The following FAM53B variants were observed in gnomAD, a reference collection of about 807,000 sequenced individuals.
FAM53B encodes family with sequence similarity 53 member B, also known as protein FAM53B.
In FAM53B, 12 loss-of-function variants were observed where a neutral mutation model predicts 32.7. The observed-to-expected ratio is 0.37, with a 90% CI of 0.24 to 0.59. FAM53B has a LOEUF of 0.59. Ranked by LOEUF, FAM53B falls within the 20% of genes least tolerant of loss-of-function variation. The pLI is 0.72. For missense variants in FAM53B, 477 were observed against 577.7 expected (o/e 0.83, Z 1.79); for synonymous variants, 234 against 228.7 (o/e 1.02, Z -0.21).
intron 3 of FAM53B, among the ~76,000 whole-genome samples, chr10:124,695,263 C>G (rs769588164): frequency 6.6e-6 from 1 of 152,184 alleles, no homozygotes; most frequent in Non-Finnish European, 1.5e-5. Flanking sequence ...TCCGGCAAGA[C>G]GTCCCCAAAG....
At chr10:124,735,618 G>A (rs1203306808) in intron 1 of FAM53B, among the ~76,000 whole-genome samples, 2 of 152,244 alleles carry the variant, frequency 1.3e-5, no homozygotes, top group African/African-American at 4.8e-5. Flanking sequence ...ATCACTGACT[G>A]ACCTCCTCAG....
intron 4 of FAM53B, among the ~76,000 whole-genome samples, chr10:124,678,766 T>A (rs1335892823): frequency 6.6e-6 from 1 of 152,178 alleles, no homozygotes; most frequent in East Asian, 1.9e-4. Flanking sequence ...CTTCCTGCCC[T>A]CTTACTCTCT....
chr10:124,727,763 G>A (rs1247393797), intron 1 of FAM53B, among the ~76,000 whole-genome samples: 1 of 152,094 alleles, frequency 6.6e-6, no homozygotes, highest in Non-Finnish European at 1.5e-5. Flanking sequence ...ATGATGTGCA[G>A]AGAACATGCC....
At chr10:124,721,488 GC>G (rs751756595) in intron 1 of FAM53B, among the ~76,000 whole-genome samples, 2 of 152,246 alleles carry the variant, frequency 1.3e-5, no homozygotes, top group East Asian at 3.8e-4. Flanking sequence ...GCAGGGTATG[GC>G]CTGAAGGTCA....
intron 4 of FAM53B, among the ~76,000 whole-genome samples, chr10:124,634,235 G>C (rs1949411500): frequency 6.6e-6 from 1 of 152,244 alleles, no homozygotes; most frequent in Non-Finnish European, 1.5e-5. Context: ...AAAGAAAGGA[G>C]ATACTGATAC....
Position 124,681,983 on chromosome 10 carries a change from A to C in FAM53B, c.530T>G (p.Leu177Arg). ...TCCTGCCTGGTCGCAGGGTGAGGAG[A>C]GCACGTTGGCCCGGGAAGGGAGGCT... is the stretch of plus-strand genomic sequence containing the variant. ...SFSLPSRANVLSSPCDQAGLH... is the reference protein window; with the variant it reads ...SFSLPSRANVRSSPCDQAGLH... Residue 177 changes from leucine to arginine, a missense_variant, in exon 4 of 5, where the codon CTC (leucine) becomes CGC (arginine). Transcript: ENST00000337318. 1 of 1,614,018 alleles carries C rather than the reference A, an allele frequency of 6.2e-7. No individual in the cohort carries two copies. Among genetic ancestry groups the C allele is most frequent in the Middle Eastern group, 1.6e-4 (1 of 6,062 alleles).
chr10:124,741,033 C>CGA (rs1950196550), intron 1 of FAM53B, among the ~76,000 whole-genome samples: 1 of 152,232 alleles, frequency 6.6e-6, no homozygotes, highest in African/African-American at 2.4e-5. Flanking sequence ...TCGGGATTCT[C>CGA]CCCTAAAGTT....
At chr10:124,704,526 G>T (rs957268971) in intron 2 of FAM53B, among the ~76,000 whole-genome samples, 2 of 152,236 alleles carry the variant, frequency 1.3e-5, no homozygotes, top group Admixed American at 1.3e-4. Flanking sequence ...GAGAAGGAAG[G>T]AGGGAGGGAG....
intron 4 of FAM53B, among the ~76,000 whole-genome samples, chr10:124,672,209 G>T (rs1949711076): frequency 6.6e-6 from 1 of 152,264 alleles, no homozygotes; most frequent in African/African-American, 2.4e-5. Flanking sequence ...GCCCGGTCAG[G>T]CACCAGCCGT....
intron 1 of FAM53B, among the ~76,000 whole-genome samples, chr10:124,718,884 T>A (rs1244502551): frequency 2.0e-5 from 3 of 152,070 alleles, no homozygotes; most frequent in African/African-American, 7.2e-5. Context: ...CCCATCTCTA[T>A]AAAAAATTTA....
intron 1 of FAM53B, among the ~76,000 whole-genome samples, chr10:124,730,416 A>T (rs1950135298): frequency 1.3e-5 from 2 of 152,240 alleles, no homozygotes; most frequent in Middle Eastern, 3.2e-3. Context: ...ATTTAGGGAC[A>T]GCCTCTTCAC....
intron 2 of FAM53B, among the ~76,000 whole-genome samples, chr10:124,696,717 G>A (rs537149563): frequency 7.9e-5 from 12 of 152,236 alleles, no homozygotes; most frequent in East Asian, 3.9e-4. Flanking sequence ...GGGAGAGCTC[G>A]GAAGGGCTGG....
intron 1 of FAM53B, among the ~76,000 whole-genome samples, chr10:124,734,872 C>T (rs1442273887): frequency 6.6e-6 from 1 of 152,224 alleles, no homozygotes; most frequent in Non-Finnish European, 1.5e-5. Context: ...AGTCAGAGGC[C>T]TGCACCAACA....
At chr10:124,718,664 T>G (rs1206915636) in intron 1 of FAM53B, among the ~76,000 whole-genome samples, 1 of 152,250 alleles carries the variant, frequency 6.6e-6, no homozygotes, top group Non-Finnish European at 1.5e-5. Flanking sequence ...GGGGAGCCGC[T>G]GCATGTGTAA....
chr10:124,681,586 C>A, intron 4 of FAM53B, 21 bp downstream of exon 4: 1 of 1,553,860 alleles, frequency 6.4e-7, no homozygotes, highest in South Asian at 1.2e-5. Context: ...CAAGGTGACT[C>A]CAGGCTGCTG....
intron 4 of FAM53B, among the ~76,000 whole-genome samples, chr10:124,636,164 A>G (rs1331053301): frequency 6.6e-6 from 1 of 152,234 alleles, no homozygotes; most frequent in Non-Finnish European, 1.5e-5. Context: ...AATCCTATTC[A>G]CATGATCGCT....
intron 2 of FAM53B, among the ~76,000 whole-genome samples, chr10:124,704,853 G>A (rs1316769729): frequency 6.6e-6 from 1 of 152,214 alleles, no homozygotes; most frequent in African/African-American, 2.4e-5. Flanking sequence ...CAGGGGACCA[G>A]TTACCACAAG....
chr10:124,651,725 AG>A lies in FAM53B; in HGVS notation c.907-28122del, dbSNP rs1405095660. ...TGCTCTGGAGGGTCAAGGTCAGCAG[AG>A]CCCCACAGATGTCTAGCCCCTGCCT... On this transcript the variant is annotated intron_variant, in intron 4 of 4. Transcript: ENST00000337318. This position sits in a 1 kb window ranked among gnomAD's most constrained non-coding sequence, Gnocchi z 5.2. Among the ~76,000 whole-genome samples the A allele has an allele frequency of 2.6e-5, 4 of 152,158 alleles. No individual in the cohort carries two copies. Among genetic ancestry groups the A allele is most frequent in the Non-Finnish European group, 5.9e-5 (4 of 68,026 alleles).
intron 4 of FAM53B, among the ~76,000 whole-genome samples, chr10:124,681,068 T>C (rs572454343): frequency 5.3e-5 from 8 of 152,304 alleles, no homozygotes; most frequent in African/African-American, 1.7e-4. Context: ...GCAAGGATGA[T>C]TGCAGAGGCA....
Sources: allele counts gnomAD v4.1 joint callset (sites outside exome capture counted in the v4.1 genomes callset), GRCh38; gene constraint gnomAD v4.1.1; non-coding constraint Gnocchi (gnomAD v3.1); transcripts MANE v1.5; gene names NCBI Gene and HGNC (gene_info 2026-07-23, HGNC 2026-07-21).